Variants in GLYATL2 observed in about 807,000 individuals in gnomAD.
GLYATL2 encodes the protein glycine N-acyltransferase-like protein 2.
GLYATL2 carries 25 observed loss-of-function variants against 21.4 expected under a neutral mutation model. The observed-to-expected ratio is 1.17, with a 90% CI of 0.85 to 1.63. GLYATL2 has a LOEUF of 1.63. GLYATL2 is among the 40% of genes most tolerant of loss of function. The pLI, the probability that GLYATL2 is intolerant of heterozygous loss-of-function variation, is 0.00. For missense variants in GLYATL2, 361 were observed against 343.3 expected, an observed-to-expected ratio of 1.05 and a Z score of -0.41; for synonymous variants, 114 against 118.2, an observed-to-expected ratio of 0.96 and a Z score of 0.23.
chr11:58,834,330 T>A lies in GLYATL2; in HGVS notation c.*99A>T, dbSNP rs575921744. ...GCTTAAGTAATACACAGATCCTAGA[T>A]AATCAGTTGCATTTTGTGCTAATGT... On this transcript the variant is annotated 3_prime_UTR_variant, in exon 6 of 6. Transcript: ENST00000287275. 4 of 921,468 alleles carry A rather than the reference T, an allele frequency of 4.3e-6. No individual in the cohort carries two copies. Among genetic ancestry groups the A allele is most frequent in the Non-Finnish European group, 6.5e-6 (4 of 618,028 alleles). 57.1% of individuals were successfully genotyped at this position (921,468 alleles called of 1,614,324 possible).
At chr11:58,891,153 A>C (rs1854536783) in intron 1 of GLYATL2, among the ~76,000 whole-genome samples, 1 of 152,142 alleles carries the variant, frequency 6.6e-6, no homozygotes, top group South Asian at 2.1e-4. Flanking sequence ...CAAATTCTTG[A>C]AGGTTTCTTT....
chr11:58,867,458 C>A (rs1357365764), intron 1 of GLYATL2, among the ~76,000 whole-genome samples: 2 of 148,628 alleles, frequency 1.3e-5, no homozygotes, highest in African/African-American at 2.4e-5. Flanking sequence ...TGGGTCAATG[C>A]CCAAATGGCT....
intron 1 of GLYATL2, among the ~76,000 whole-genome samples, chr11:58,850,456 A>C (rs1382369835): frequency 2.0e-5 from 3 of 152,134 alleles, no homozygotes; most frequent in Admixed American, 2.0e-4. Flanking sequence ...ATTAATCATT[A>C]ATTTGTAGCA....
At chr11:58,908,242 G>T (rs1473368728), upstream of GLYATL2, 4 of 152,212 alleles carry the variant, frequency 2.6e-5, no homozygotes, top group Non-Finnish European at 4.4e-5. Flanking sequence ...CCTTGGAAAT[G>T]CCATACAGTA....
At chr11:58,870,414 T>C (rs1402480127) in intron 1 of GLYATL2, among the ~76,000 whole-genome samples, 1 of 152,140 alleles carries the variant, frequency 6.6e-6, no homozygotes, top group African/African-American at 2.4e-5. Flanking sequence ...AGAGGGCTCT[T>C]ATAAGGCTTT....
Position 58,857,488 on chromosome 11 carries a change from C to T in GLYATL2, n.61-19120G>A, listed in dbSNP as rs115916065. ...TTTTCTCATCCTTCTCACTCATCCCCCTGGGGCGGGGCGAGTGGGCTGAGC... is the reference window on the plus strand; with the variant it reads ...TTTTCTCATCCTTCTCACTCATCCCTCTGGGGCGGGGCGAGTGGGCTGAGC... On this transcript the variant is annotated intron_variant and non_coding_transcript_variant, in intron 1 of 4. Coordinates refer to the GLYATL2 transcript ENST00000533636. 5.4e-3 allele frequency among the ~76,000 whole-genome samples: 819 copies of T among 152,216 alleles called. 13 individuals are homozygous for T. Among genetic ancestry groups the T allele is most frequent in the African/African-American group, 0.019 (778 of 41,536 alleles).
intron 1 of GLYATL2, among the ~76,000 whole-genome samples, chr11:58,895,914 C>T (rs374165481): frequency 7.9e-5 from 12 of 151,338 alleles, no homozygotes; most frequent in Non-Finnish European, 1.3e-4. Flanking sequence ...AATGCAGTGG[C>T]ACGATCTCGG....
chr11:58,856,390 C>T (rs1590726105), intron 1 of GLYATL2, among the ~76,000 whole-genome samples: 1 of 152,172 alleles, frequency 6.6e-6, no homozygotes, highest in African/African-American at 2.4e-5. Context: ...TTGATGTGCT[C>T]ACTGGATTAG....
chr11:58,907,371 G>T, upstream of GLYATL2: 1 of 456,236 alleles, frequency 2.2e-6, no homozygotes, highest in Non-Finnish European at 4.4e-6. Context: ...AATCCCTCAC[G>T]GTAGTCTGCT....
chr11:58,856,009 T>A (rs1853821799), intron 1 of GLYATL2, among the ~76,000 whole-genome samples: 1 of 152,092 alleles, frequency 6.6e-6, no homozygotes, highest in Non-Finnish European at 1.5e-5. Flanking sequence ...TGGGTGCCTA[T>A]AATCCCAGTG....
chr11:58,887,419 T>A (rs2134618489), intron 1 of GLYATL2, among the ~76,000 whole-genome samples: 1 of 152,290 alleles, frequency 6.6e-6, no homozygotes, highest in African/African-American at 2.4e-5. Context: ...AAAGTAACTT[T>A]TTCTTAATTG....
chr11:58,857,229 A>G (rs1464229090), intron 1 of GLYATL2, among the ~76,000 whole-genome samples: 1 of 152,158 alleles, frequency 6.6e-6, no homozygotes, highest in Non-Finnish European at 1.5e-5. Flanking sequence ...GTGTGAGGTG[A>G]TACTGTGACT....
intron 1 of GLYATL2, among the ~76,000 whole-genome samples, chr11:58,878,946 G>T (rs1322365264): frequency 3.3e-5 from 5 of 152,116 alleles, no homozygotes; most frequent in African/African-American, 1.2e-4. Flanking sequence ...GGGCAGTACA[G>T]GGTGTCAACT....
chr11:58,898,919 A>G (rs1854683824), intron 1 of GLYATL2, among the ~76,000 whole-genome samples: 1 of 152,240 alleles, frequency 6.6e-6, no homozygotes, highest in African/African-American at 2.4e-5. Context: ...TCAAAACCAC[A>G]AATATATTTA....
intron 1 of GLYATL2, among the ~76,000 whole-genome samples, chr11:58,859,999 A>G (rs1183571278): frequency 2.0e-5 from 3 of 152,118 alleles, no homozygotes; most frequent in African/African-American, 7.2e-5. Context: ...TGCTAGTACC[A>G]TCCTGTTTTC....
At chr11:58,889,070 T>G (rs779558428) in intron 1 of GLYATL2, among the ~76,000 whole-genome samples, 4 of 151,930 alleles carry the variant, frequency 2.6e-5, no homozygotes, top group Non-Finnish European at 4.4e-5. Flanking sequence ...TGGCAAAATT[T>G]TATTGTTTTC....
At chr11:58,906,047 A>G (rs1223426482), upstream of GLYATL2, among the ~76,000 whole-genome samples, 1 of 152,114 alleles carries the variant, frequency 6.6e-6, no homozygotes, top group East Asian at 1.9e-4. Flanking sequence ...AGTCTTCCCA[A>G]CACCTGCGAA....
chr11:58,872,195 G>C (rs1175245531), intron 1 of GLYATL2, among the ~76,000 whole-genome samples: 3 of 152,294 alleles, frequency 2.0e-5, no homozygotes, highest in African/African-American at 7.2e-5. Flanking sequence ...CCCTTTGTCA[G>C]ATGAGTAGGT....
At chr11:58,885,503 C>A (rs777285053) in intron 1 of GLYATL2, 6 of 503,418 alleles carry the variant, frequency 1.2e-5, no homozygotes, top group Non-Finnish European at 2.4e-5. Flanking sequence ...GGACTCCTGG[C>A]CCGAGTATCA....
Sources: gnomAD v4.1 joint callset for allele counts (sites outside exome capture counted in the v4.1 genomes callset) on GRCh38, gnomAD v4.1.1 for gene constraint, MANE v1.5 for transcripts, NCBI Gene and HGNC (gene_info 2026-07-23, HGNC 2026-07-21) for gene names.